PALLD: variants seen among roughly 807,000 people sequenced by gnomAD.
PALLD encodes the protein palladin.
In PALLD, 61 loss-of-function variants were observed where a neutral mutation model predicts 123.5. That is an observed-to-expected ratio of 0.49 (90% CI 0.40 to 0.61). PALLD has a LOEUF of 0.61. Among genes scored for constraint, PALLD ranks in the 20% least tolerant of loss-of-function variants. The probability of loss-of-function intolerance (pLI) is 0.00; values close to 1 mark genes in which losing one functional copy is unlikely to be tolerated. For missense variants in PALLD, 1,273 were observed against 1,377.0 expected (o/e 0.92, Z 1.20); for synonymous variants, 465 against 496.4 (o/e 0.94, Z 0.84).
At chr4:168,556,644 T>C (rs1767337179) in intron 2 of PALLD, among the ~76,000 whole-genome samples, 1 of 152,210 alleles carries the variant, frequency 6.6e-6, no homozygotes, top group Non-Finnish European at 1.5e-5. Flanking sequence ...CTGTGTTATT[T>C]TTTAAGTCAT....
chr4:168,529,129 C>T (rs13146542), intron 2 of PALLD, among the ~76,000 whole-genome samples: 56,860 of 151,890 alleles, frequency 0.37, 12,136 homozygotes, highest in East Asian at 0.57. Context: ...GGTGGATCAC[C>T]GGAGGCCAGG....
chr4:168,823,720 G>T (rs1205864890), intron 10 of PALLD, among the ~76,000 whole-genome samples: 3 of 152,102 alleles, frequency 2.0e-5, no homozygotes, highest in African/African-American at 7.2e-5. Context: ...ACACTACTTG[G>T]CCTAGAAAAG....
At chr4:168,803,780 C>T (rs1274703317) in intron 10 of PALLD, among the ~76,000 whole-genome samples, 1 of 152,068 alleles carries the variant, frequency 6.6e-6, no homozygotes, top group Non-Finnish European at 1.5e-5. Flanking sequence ...GTTTAAAGGA[C>T]AGTGCCAGGG....
At chr4:168,597,213 A>G (rs1190775772) in intron 2 of PALLD, among the ~76,000 whole-genome samples, 1 of 152,138 alleles carries the variant, frequency 6.6e-6, no homozygotes, top group Non-Finnish European at 1.5e-5. Context: ...AATGAAAACC[A>G]TAAAAATATA....
intron 2 of PALLD, among the ~76,000 whole-genome samples, chr4:168,622,461 G>T (rs992479487): frequency 6.6e-6 from 1 of 152,142 alleles, no homozygotes; most frequent in African/African-American, 2.4e-5. Context: ...GGGATTTCTG[G>T]TTAGAAGAAA....
At chr4:168,562,096 A>AT (rs1414381529) in intron 2 of PALLD, among the ~76,000 whole-genome samples, 4 of 123,604 alleles carry the variant, frequency 3.2e-5, no homozygotes, top group African/African-American at 1.2e-4. Flanking sequence ...GGTCACAAGG[A>AT]TAAAAAAAAA....
intron 15 of PALLD, among the ~76,000 whole-genome samples, chr4:168,912,352 G>C (rs1759147318): frequency 6.6e-6 from 1 of 152,204 alleles, no homozygotes; most frequent in African/African-American, 2.4e-5. Context: ...TTCCTCTCTT[G>C]CTGTTACCTT....
In PALLD at chr4:168,600,028, CACAT is replaced by C. The variant is rs769691785; in HGVS notation, c.909-68153_909-68150del. 1.4e-3 allele frequency among the ~76,000 whole-genome samples: 173 copies of C among 124,720 alleles called. 1 individual carries two copies. The highest frequency in any genetic ancestry group is 7.6e-3 in the Middle Eastern group (2 of 264). 81.8% of individuals were successfully genotyped at this position (124,720 alleles called of 152,430 possible). On this transcript the variant is annotated intron_variant, in intron 2 of 21. Coordinates refer to ENST00000505667, the MANE Select transcript of PALLD (RefSeq NM_001166108.2). ...GTATATACATACATGTGTGTACACACACATACATACATGTGTATACACACATATA... is the reference window on the plus strand; with the variant it reads ...GTATATACATACATGTGTGTACACACACATACATGTGTATACACACATATA...
At chr4:168,633,578 T>C (rs2149836856) in intron 2 of PALLD, among the ~76,000 whole-genome samples, 1 of 152,360 alleles carries the variant, frequency 6.6e-6, no homozygotes, top group African/African-American at 2.4e-5. Context: ...ATGGTTTTTC[T>C]GAGTCTTTTT....
At chr4:168,542,758 A>ATATG (rs1765760822) in intron 2 of PALLD, among the ~76,000 whole-genome samples, 1 of 130,146 alleles carries the variant, frequency 7.7e-6, no homozygotes, top group South Asian at 2.6e-4. Flanking sequence ...ATATATATAT[A>ATATG]TATATGGAGA....
At chr4:168,831,945 G>A (rs944489345) in intron 10 of PALLD, 19 of 940,408 alleles carry the variant, frequency 2.0e-5, no homozygotes, top group South Asian at 9.8e-5. Context: ...TAACCTGGGG[G>A]CCGCGTCCCA....
chr4:168,671,037 T>A (rs930359611), intron 3 of PALLD, among the ~76,000 whole-genome samples: 75 of 129,816 alleles, frequency 5.8e-4, no homozygotes, highest in South Asian at 1.2e-3. Flanking sequence ...AAAAAAAAAA[T>A]GTAAAATGAT....
At position 168,512,201 on chromosome 4, in the gene PALLD, G is replaced by C. The variant is rs745390330; in HGVS notation, c.697G>C (p.Glu233Gln). ...PMEDQGEMER[E>Q]VKSPGARHCY... Reference sequence around the variant, plus strand: ...GGAAGACCAAGGGGAGATGGAAAGAGAGGTCAAGTCCCCTGGGGCCAGGCA... The same window carrying C: ...GGAAGACCAAGGGGAGATGGAAAGACAGGTCAAGTCCCCTGGGGCCAGGCA... The change falls in exon 2 of 22, where the codon GAG becomes CAG. Residue 233 changes from glutamate to glutamine, a missense_variant. Transcript: ENST00000505667. The C allele has an allele frequency of 1.2e-6, 2 of 1,613,718 alleles. No individual in the cohort carries two copies. Among genetic ancestry groups the C allele is most frequent in the Non-Finnish European group, 1.7e-6 (2 of 1,179,742 alleles).
chr4:168,549,175 G>A (rs1766472666), intron 2 of PALLD, among the ~76,000 whole-genome samples: 3 of 151,974 alleles, frequency 2.0e-5, no homozygotes, highest in Admixed American at 1.3e-4. Flanking sequence ...ATTTCCATGT[G>A]GTCTGCTTTT....
At chr4:168,895,561 A>G (rs1022891973) in intron 12 of PALLD, among the ~76,000 whole-genome samples, 10 of 152,248 alleles carry the variant, frequency 6.6e-5, no homozygotes, top group Admixed American at 3.3e-4. Context: ...AATGTTACAA[A>G]GAACATCTTA....
chr4:168,870,408 A>G (rs1750922017), intron 10 of PALLD, among the ~76,000 whole-genome samples: 1 of 152,250 alleles, frequency 6.6e-6, no homozygotes, highest in Non-Finnish European at 1.5e-5. Flanking sequence ...GATTATTCAC[A>G]GAATATTCTT....
intron 6 of PALLD, among the ~76,000 whole-genome samples, chr4:168,689,734 C>T (rs567790884): frequency 6.6e-6 from 1 of 152,110 alleles, no homozygotes; most frequent in South Asian, 2.1e-4. Context: ...AGATGTGAGC[C>T]ACCACACCTG....
At chr4:168,734,020 G>C (rs942328875) in intron 10 of PALLD, among the ~76,000 whole-genome samples, 2 of 152,190 alleles carry the variant, frequency 1.3e-5, no homozygotes, top group African/African-American at 2.4e-5. Flanking sequence ...CAGGCGTTGA[G>C]CCACCACGCC....
intron 3 of PALLD, chr4:168,677,919 T>A (rs998361274): frequency 2.6e-5 from 4 of 153,104 alleles, no homozygotes; most frequent in African/African-American, 9.6e-5. Context: ...CCTGCCTGTG[T>A]TTCGAGATTT....
Sources: allele counts gnomAD v4.1 joint callset (sites outside exome capture counted in the v4.1 genomes callset), GRCh38; gene constraint gnomAD v4.1.1; transcripts MANE v1.5; gene names NCBI Gene and HGNC (gene_info 2026-07-23, HGNC 2026-07-21).